The following HS6ST3 variants were observed in gnomAD, a reference collection of about 807,000 sequenced individuals.
HS6ST3 encodes heparan sulfate 6-O-sulfotransferase 3.
HS6ST3 carries 12 observed loss-of-function variants against 36.7 expected under a neutral mutation model. The observed-to-expected ratio is 0.33, with a 90% CI of 0.21 to 0.53. The LOEUF is 0.53. Ranked by LOEUF, HS6ST3 falls within the 20% of genes least tolerant of loss-of-function variation. HS6ST3 has a pLI of 0.95. For synonymous variants in HS6ST3, 240 were observed against 257.5 expected (o/e 0.93, Z 0.65); for missense variants, 584 against 640.9 (o/e 0.91, Z 0.96).
intron 1 of HS6ST3, among the ~76,000 whole-genome samples, chr13:96,409,757 CA>C (rs1260967539): frequency 1.1e-4 from 17 of 152,036 alleles, no homozygotes; most frequent in African/African-American, 3.9e-4. Context: ...AATTAGACAC[CA>C]AGAAGTGAAC....
intron 1 of HS6ST3, among the ~76,000 whole-genome samples, chr13:96,186,376 ACTGCATATGATTGAATCTTTCTTTAAT>A (rs1045522136): frequency 1.3e-5 from 2 of 152,190 alleles, no homozygotes; most frequent in Non-Finnish European, 2.9e-5. Flanking sequence ...TCTGGAAGAG[ACTGCATATGATTGAATCTTTCTTTAAT>A]CTGCCACTGG....
At chr13:96,593,174 CTTTTTT>C (rs35380296) in intron 1 of HS6ST3, among the ~76,000 whole-genome samples, 643 of 46,508 alleles carry the variant, frequency 0.014, 6 homozygotes, top group African/African-American at 0.057. Context: ...TTCTTTCTTT[CTTTTTT>C]TTTTTTTTTT....
intron 1 of HS6ST3, among the ~76,000 whole-genome samples, chr13:96,137,943 G>A (rs1268137052): frequency 3.3e-5 from 5 of 152,128 alleles, no homozygotes; most frequent in South Asian, 4.1e-4. Context: ...GACAATTGAC[G>A]TGCAGTGTAA....
At chr13:96,564,514 C>T (rs561112277) in intron 1 of HS6ST3, among the ~76,000 whole-genome samples, 15 of 152,090 alleles carry the variant, frequency 9.9e-5, no homozygotes, top group Non-Finnish European at 2.2e-4. Flanking sequence ...AAGAAATTCC[C>T]TATTTGACTA....
intron 1 of HS6ST3, among the ~76,000 whole-genome samples, chr13:96,245,917 G>A (rs2054582914): frequency 6.6e-6 from 1 of 152,014 alleles, no homozygotes; most frequent in South Asian, 2.1e-4. Flanking sequence ...GGATAATAGG[G>A]AATATAGAGG....
At chr13:96,175,756 C>A in intron 1 of HS6ST3, among the ~76,000 whole-genome samples, 1 of 149,620 alleles carries the variant, frequency 6.7e-6, no homozygotes, top group South Asian at 2.1e-4. Flanking sequence ...ATCTTCAAAG[C>A]GGTTTATTCT....
chr13:96,111,609 T>C (rs1342141905), intron 1 of HS6ST3, among the ~76,000 whole-genome samples: 1 of 152,182 alleles, frequency 6.6e-6, no homozygotes, highest in Non-Finnish European at 1.5e-5. Flanking sequence ...TGGGATGACA[T>C]CCTGAACCGT....
Position 96,835,114 on chromosome 13 carries a change from C to T in HS6ST3, c.*1916C>T, listed in dbSNP as rs1164891081. 2.6e-5 allele frequency: 4 copies of T among 152,166 alleles called. No homozygotes were observed. The highest frequency in any genetic ancestry group is 7.2e-5 in the African/African-American group (3 of 41,428). 9.4% of individuals were successfully genotyped at this position (152,166 alleles called of 1,614,324 possible). Reference sequence around the variant, plus strand: ...TGCAAAGGTCAAGTTCTCTTTACTCCGTCACCATATCCATATGGAATAAGG... The same window carrying T: ...TGCAAAGGTCAAGTTCTCTTTACTCTGTCACCATATCCATATGGAATAAGG... On this transcript the variant is annotated 3_prime_UTR_variant, in exon 2 of 2. Coordinates refer to ENST00000376705, the MANE Select transcript of HS6ST3 (RefSeq NM_153456.4).
intron 1 of HS6ST3, among the ~76,000 whole-genome samples, chr13:96,635,405 G>T (rs899373553): frequency 6.6e-6 from 1 of 151,956 alleles, no homozygotes; most frequent in African/African-American, 2.4e-5. Context: ...ATGCCCTTCT[G>T]CCTTAGCTTA....
At chr13:96,691,293 A>G (rs190458167) in intron 1 of HS6ST3, among the ~76,000 whole-genome samples, 30 of 152,238 alleles carry the variant, frequency 2.0e-4, no homozygotes, top group Admixed American at 8.5e-4. Context: ...GGGATGTTAA[A>G]TATAAGATGG....
rs1566440353 is a variant in HS6ST3, at chr13:96,731,652, GTTTGT to G, written c.708-100829_708-100825del. 2.0e-5 allele frequency among the ~76,000 whole-genome samples: 3 copies of G among 151,546 alleles called. 1 individual carries two copies. The highest frequency in any genetic ancestry group is 7.3e-5 in the African/African-American group (3 of 41,368). On this transcript the variant is annotated intron_variant, in intron 1 of 1. Coordinates refer to ENST00000376705, the MANE Select transcript of HS6ST3 (RefSeq NM_153456.4). ...GGATCATATGGTAGTTCAATTTTTA[GTTTGT>G]TTTGTTTTTTTTTTGTTTTGAGATG... is the stretch of plus-strand genomic sequence containing the variant.
intron 1 of HS6ST3, among the ~76,000 whole-genome samples, chr13:96,820,300 T>G (rs1167350576): frequency 6.6e-6 from 1 of 152,208 alleles, no homozygotes; most frequent in Admixed American, 6.5e-5. Flanking sequence ...AAATATTCAT[T>G]AATACATCTT....
At chr13:96,195,235 A>G (rs1437844802) in intron 1 of HS6ST3, among the ~76,000 whole-genome samples, 1 of 152,214 alleles carries the variant, frequency 6.6e-6, no homozygotes, top group East Asian at 1.9e-4. Context: ...GAGGATGTCA[A>G]ATTGGAAGAT....
At chr13:96,139,011 GA>G (rs898985605) in intron 1 of HS6ST3, among the ~76,000 whole-genome samples, 36 of 151,424 alleles carry the variant, frequency 2.4e-4, no homozygotes, top group Non-Finnish European at 2.9e-4. Context: ...TTTATAATCA[GA>G]AAAAAAAGTA....
At chr13:96,652,869 C>A (rs2056612286) in intron 1 of HS6ST3, among the ~76,000 whole-genome samples, 1 of 152,012 alleles carries the variant, frequency 6.6e-6, no homozygotes, top group South Asian at 2.1e-4. Context: ...TTTAGATATA[C>A]TATAAAATAA....
intron 1 of HS6ST3, among the ~76,000 whole-genome samples, chr13:96,525,846 A>G (rs2056111617): frequency 6.6e-6 from 1 of 152,226 alleles, no homozygotes; most frequent in Non-Finnish European, 1.5e-5. Context: ...GGCTCTGGTG[A>G]CAAAGCAGTT....
intron 1 of HS6ST3, among the ~76,000 whole-genome samples, chr13:96,301,139 A>G (rs192421821): frequency 8.7e-4 from 133 of 152,312 alleles, no homozygotes; most frequent in African/African-American, 3.1e-3. Flanking sequence ...CCCACATTGC[A>G]TTGGAAATAA....
intron 1 of HS6ST3, among the ~76,000 whole-genome samples, chr13:96,535,399 A>G (rs573433464): frequency 1.3e-5 from 2 of 151,850 alleles, no homozygotes; most frequent in Admixed American, 6.6e-5. Context: ...TACTAAAAAA[A>G]TACTAAAAAT....
chr13:96,468,269 G>T (rs1017287309), intron 1 of HS6ST3, among the ~76,000 whole-genome samples: 7 of 152,112 alleles, frequency 4.6e-5, no homozygotes, highest in Non-Finnish European at 1.0e-4. Context: ...GGCATGATGT[G>T]CTGGGCATCT....
Sources: gnomAD v4.1 joint callset for allele counts (sites outside exome capture counted in the v4.1 genomes callset) on GRCh38, gnomAD v4.1.1 for gene constraint, MANE v1.5 for transcripts, NCBI Gene and HGNC (gene_info 2026-07-23, HGNC 2026-07-21) for gene names.